Variants in CCSER2 observed in about 807,000 individuals in gnomAD.
CCSER2 encodes the protein serine-rich coiled-coil domain-containing protein 2.
CCSER2 carries 46 observed loss-of-function variants against 92.3 expected under a neutral mutation model. That is an observed-to-expected ratio of 0.50 (90% CI 0.39 to 0.64). The LOEUF (loss-of-function observed/expected upper bound fraction) is 0.64, where lower values mean the gene tolerates loss of function less well. Ranked by LOEUF, CCSER2 falls within the 30% of genes least tolerant of loss-of-function variation. The pLI is 0.00. For synonymous variants in CCSER2, 433 were observed against 431.4 expected, an observed-to-expected ratio of 1.00 and a Z score of -0.04; for missense variants, 1,244 against 1,238.9, an observed-to-expected ratio of 1.00 and a Z score of -0.06.
At chr10:84,346,871 T>A (rs1301819167) in intron 1 of CCSER2, among the ~76,000 whole-genome samples, 1 of 151,742 alleles carries the variant, frequency 6.6e-6, no homozygotes, top group Non-Finnish European at 1.5e-5. Context: ...GGAGGGAAGG[T>A]CAGCAGATAA....
At chr10:84,392,298 G>A (rs534441023) in intron 3 of CCSER2, among the ~76,000 whole-genome samples, 19 of 125,096 alleles carry the variant, frequency 1.5e-4, no homozygotes, top group African/African-American at 5.7e-4. Context: ...CTACAACTCT[G>A]CACTGGATCT....
chr10:84,353,446 A>C (rs1042365402), intron 1 of CCSER2, among the ~76,000 whole-genome samples: 1 of 152,172 alleles, frequency 6.6e-6, no homozygotes, highest in Admixed American at 6.5e-5. Flanking sequence ...TATGTTGTAG[A>C]TATTTTCATT....
chr10:84,502,505 G>T (rs1848816856), intron 9 of CCSER2, among the ~76,000 whole-genome samples: 1 of 151,790 alleles, frequency 6.6e-6, no homozygotes, highest in Non-Finnish European at 1.5e-5. Flanking sequence ...CCAAGTAGCT[G>T]GGACTACAGG....
chr10:84,340,608 G>A (rs1844121771), intron 1 of CCSER2, among the ~76,000 whole-genome samples: 1 of 150,512 alleles, frequency 6.6e-6, no homozygotes, highest in Non-Finnish European at 1.5e-5. Context: ...CTCTATTTTT[G>A]TCTGAATTTT....
At chr10:84,381,491 T>C (rs1840901979) in intron 3 of CCSER2, among the ~76,000 whole-genome samples, 2 of 152,214 alleles carry the variant, frequency 1.3e-5, no homozygotes, top group Non-Finnish European at 2.9e-5. Context: ...AGGCTTGCTG[T>C]GCCTAAACTG....
chr10:84,434,731 A>G (rs938719037), intron 5 of CCSER2, among the ~76,000 whole-genome samples: 10 of 152,306 alleles, frequency 6.6e-5, no homozygotes, highest in African/African-American at 2.2e-4. Flanking sequence ...GCACTTTAAC[A>G]TATATTACCT....
chr10:84,415,690 G>A (rs1397878180), intron 3 of CCSER2, among the ~76,000 whole-genome samples: 3 of 152,210 alleles, frequency 2.0e-5, no homozygotes, highest in Admixed American at 6.5e-5. Flanking sequence ...TAGCACAGCT[G>A]TGCTGCGTTG....
intron 1 of CCSER2, among the ~76,000 whole-genome samples, chr10:84,369,144 G>T (rs972880695): frequency 1.4e-5 from 2 of 143,484 alleles, no homozygotes; most frequent in Non-Finnish European, 3.1e-5. Flanking sequence ...ACATATGCAG[G>T]TTTTTTTTTT....
At chr10:84,444,655 T>G (rs1844796338) in intron 6 of CCSER2, among the ~76,000 whole-genome samples, 1 of 152,142 alleles carries the variant, frequency 6.6e-6, no homozygotes, top group African/African-American at 2.4e-5. Context: ...CATACAACAC[T>G]AATTCTACCA....
intron 6 of CCSER2, among the ~76,000 whole-genome samples, chr10:84,451,139 A>G (rs905080308): frequency 6.6e-6 from 1 of 152,216 alleles, no homozygotes; most frequent in African/African-American, 2.4e-5. Flanking sequence ...TAATACTGAC[A>G]CAAATAGACA....
intron 3 of CCSER2, among the ~76,000 whole-genome samples, chr10:84,409,415 C>T (rs1337497243): frequency 3.3e-5 from 5 of 152,162 alleles, no homozygotes; most frequent in Admixed American, 6.5e-5. Context: ...GCTGAGAATA[C>T]AGGCATTAGC....
At chr10:84,453,155 A>G (rs984863059) in intron 6 of CCSER2, among the ~76,000 whole-genome samples, 1 of 148,476 alleles carries the variant, frequency 6.7e-6, no homozygotes, top group Non-Finnish European at 1.5e-5. Flanking sequence ...ATTTTATTTC[A>G]TTTTTTTTTT....
intron 3 of CCSER2, chr10:84,389,437 A>G: frequency 2.2e-6 from 1 of 452,222 alleles, no homozygotes; most frequent in Non-Finnish European, 4.4e-6. Context: ...CAGAGGGAGA[A>G]GGTACCACGT....
Position 84,343,648 on chromosome 10 carries a change from A to G in CCSER2, c.-40+14840A>G, listed in dbSNP as rs74147540. ...ATGATGTTGTTATGAAGTAATTTTT[A>G]CTTTTTACAAAAAATTTACTTAAGG... On this transcript the variant is annotated intron_variant, in intron 1 of 9. Transcript: ENST00000372088. Among the ~76,000 whole-genome samples, 131 of 152,316 alleles carry G rather than the reference A, an allele frequency of 8.6e-4. 1 individual carries two copies. Among genetic ancestry groups the G allele is most frequent in the African/African-American group, 3.1e-3 (127 of 41,572 alleles).
At chr10:84,396,873 A>G (rs1374852674) in intron 3 of CCSER2, among the ~76,000 whole-genome samples, 1 of 152,066 alleles carries the variant, frequency 6.6e-6, no homozygotes, top group African/African-American at 2.4e-5. Flanking sequence ...GCTGTATACT[A>G]CTTATTTTGT....
intron 7 of CCSER2, among the ~76,000 whole-genome samples, chr10:84,466,137 A>G (rs1846414326): frequency 6.6e-6 from 1 of 152,200 alleles, no homozygotes; most frequent in Non-Finnish European, 1.5e-5. Flanking sequence ...GCTGAGTTGC[A>G]ATAGGTCATA....
intron 9 of CCSER2, among the ~76,000 whole-genome samples, chr10:84,485,040 T>G (rs766233563): frequency 2.6e-5 from 4 of 152,232 alleles, no homozygotes; most frequent in South Asian, 2.1e-4. Flanking sequence ...TTTTTGAAAC[T>G]TTGTTTAAAG....
rs1227071185 is a variant in CCSER2 at position 84,387,038 on chromosome 10, G to A, written c.1614+13223G>A. 7.2e-5 allele frequency among the ~76,000 whole-genome samples: 11 copies of A among 152,192 alleles called. No homozygotes were observed. The East Asian group carries it at 2.1e-3, about 29-fold the overall frequency. On this transcript the variant is annotated intron_variant, in intron 3 of 9. Coordinates refer to ENST00000372088, the MANE Select transcript of CCSER2 (RefSeq NM_001284240.2). ...CTAGAAGCTCAGACCTCACCATTAT[G>A]CAACATGTTCATGGAGTAAACTTAC... is the stretch of plus-strand genomic sequence containing the variant.
chr10:84,468,777 A>G (rs939677193), intron 7 of CCSER2, among the ~76,000 whole-genome samples: 42 of 151,316 alleles, frequency 2.8e-4, no homozygotes, highest in African/African-American at 7.0e-4. Flanking sequence ...TCTAAGGATC[A>G]TTTCTTTCAT....
Sources: gnomAD v4.1 joint callset for allele counts (sites outside exome capture counted in the v4.1 genomes callset) on GRCh38, gnomAD v4.1.1 for gene constraint, MANE v1.5 for transcripts, NCBI Gene and HGNC (gene_info 2026-07-23, HGNC 2026-07-21) for gene names.